Variants in CCDC88C observed in about 807,000 individuals in gnomAD.
CCDC88C encodes protein Daple.
CCDC88C carries 131 observed loss-of-function variants against 198.8 expected under a neutral mutation model. The ratio of observed to expected loss-of-function variants is 0.66; its 90% CI spans 0.57 to 0.76. The LOEUF (loss-of-function observed/expected upper bound fraction) is 0.76. Ranked by LOEUF, CCDC88C falls within the 30% of genes least tolerant of loss-of-function variation. The pLI, the probability that CCDC88C is intolerant of heterozygous loss-of-function variation, is 0.00. For missense variants in CCDC88C, 2,553 were observed against 2,631.6 expected (o/e 0.97, Z 0.65); for synonymous variants, 1,166 against 1,114.7 (o/e 1.05, Z -0.92).
rs548297783 is a variant in CCDC88C at position 91,315,534 on chromosome 14, G to A, written c.1665+116C>T. On this transcript the variant is annotated intron_variant, in intron 14 of 29. Coordinates refer to ENST00000389857, the MANE Select transcript of CCDC88C (RefSeq NM_001080414.4). ...AATTGCTGATTTAAGCTGTGGCTAA[G>A]CTAGGTAACGGATAATCCATGCATC... 18 of 1,149,160 alleles carry A rather than the reference G, an allele frequency of 1.6e-5. No homozygotes were observed. The African/African-American group carries it at 2.2e-4, about 14-fold the overall frequency. 71.2% of individuals were successfully genotyped at this position (1,149,160 alleles called of 1,614,324 possible). A position where few individuals can be genotyped will look rare whatever the true frequency, so the allele number is the denominator to read the frequency against.
chr14:91,368,057 CTAATAG>C (rs1444421006), intron 3 of CCDC88C, among the ~76,000 whole-genome samples: 1 of 152,208 alleles, frequency 6.6e-6, no homozygotes, highest in African/African-American at 2.4e-5. Context: ...CAAAAAGCTG[CTAATAG>C]TGACAGTTGG....
At chr14:91,282,381 G>A (rs1890234287) in intron 26 of CCDC88C, among the ~76,000 whole-genome samples, 1 of 152,034 alleles carries the variant, frequency 6.6e-6, no homozygotes, top group African/African-American at 2.4e-5. Context: ...CTGTTTCTTT[G>A]GATATTTTCC....
At chr14:91,343,740 A>AT (rs1893401665) in intron 4 of CCDC88C, 83 bp from the exon 5 acceptor site, 8 of 1,522,538 alleles carry the variant, frequency 5.3e-6, no homozygotes, top group East Asian at 2.3e-5. Context: ...GAAAAAACAG[A>AT]TAAAAAAAAA....
chr14:91,342,294 G>A (rs998192059), intron 6 of CCDC88C, 86 bp downstream of exon 6: 12 of 763,904 alleles, frequency 1.6e-5, no homozygotes, highest in Admixed American at 1.0e-4. Context: ...TTCTTCAAAC[G>A]TTTCCACTCA....
chr14:91,338,675 C>T lies in CCDC88C; in HGVS notation c.810-105G>A, dbSNP rs772689345. The T allele has an allele frequency of 2.5e-5, 21 of 850,818 alleles. No homozygotes were observed. Among genetic ancestry groups the T allele is most frequent in the Non-Finnish European group, 3.6e-5 (19 of 521,296 alleles). The allele number at this position is 850,818 out of a possible 1,614,324, so 52.7% of individuals were successfully genotyped here. On this transcript the variant is annotated intron_variant, in intron 8 of 29. Transcript: ENST00000389857. This position sits in a 1 kb window ranked among gnomAD's most constrained non-coding sequence, Gnocchi z 4.8. ...AAACCTGTGGGAAAAGGAAAGGACT[C>T]GGGATTTGGGCGGTGGGGAGGCGAT...
Position 91,289,185 on chromosome 14 carries a change from T to C in CCDC88C, c.4361A>G (p.Gln1454Arg), listed in dbSNP as rs780168486. 6.2e-7 allele frequency: 1 copy of C among 1,613,912 alleles called. No homozygotes were observed. Reference sequence around the variant, plus strand: ...TGCGGGGGTGTCGGGGTTCTCGGCCTGTGATCTGAGCGGCTGAGAGGCCGC... The same window carrying C: ...TGCGGGGGTGTCGGGGTTCTCGGCCCGTGATCTGAGCGGCTGAGAGGCCGC... ...SPAASQPLRS[Q>R]AENPDTPALG... The change falls in exon 25 of 30, where the codon CAG (glutamine) becomes CGG (arginine). Residue 1454 changes from glutamine (Q) to arginine (R), a missense_variant. Physicochemically the swap from Gln to Arg is conservative, Grantham distance 43. Transcript: ENST00000389857.
chr14:91,326,201 C>CT (rs200507629), intron 10 of CCDC88C, 145 bp from the exon 11 acceptor site: 22,197 of 534,142 alleles, frequency 0.042, 204 homozygotes, highest in African/African-American at 0.1. Context: ...TTTTCCTCTA[C>CT]TTTTTTTTTT....
Position 91,314,076 on chromosome 14 carries a change from G to A in CCDC88C, c.1740C>T (p.Ser580=). The change falls in exon 15 of 30, where the codon AGC becomes AGT. Residue 580 remains serine, a synonymous_variant. Coordinates refer to ENST00000389857, the MANE Select transcript of CCDC88C (RefSeq NM_001080414.4). The stretch of plus-strand genomic sequence containing the variant: ...CCACGTCTTTCATGCGGGCCTCACT[G>A]CTGACCTGCGACCTCTCCCGCAGCG... ...MWSLRERSQV[S]SEARMKDVEK... is the part of the protein sequence containing the mutation. 4.3e-6 allele frequency: 7 copies of A among 1,613,840 alleles called. No homozygotes were observed. Among genetic ancestry groups the A allele is most frequent in the Non-Finnish European group, 5.9e-6 (7 of 1,179,860 alleles).
At position 91,408,552 on chromosome 14, in the gene CCDC88C, G is replaced by A; in HGVS notation, c.270+107C>T. ...AGCAGACCAACTGTCAACAAGTAGA[G>A]GCCTAAACATAAGCACCGTTTCCTC... On this transcript the variant is annotated intron_variant, in intron 3 of 29. Coordinates refer to ENST00000389857, the MANE Select transcript of CCDC88C (RefSeq NM_001080414.4). 4 of 729,132 alleles carry A rather than the reference G, an allele frequency of 5.5e-6. No individual in the cohort carries two copies. The South Asian group carries it at 6.0e-5, about 11-fold the overall frequency. 45.2% of individuals were successfully genotyped at this position (729,132 alleles called of 1,614,324 possible).
At chr14:91,311,467 A>T (rs1014084244) in intron 15 of CCDC88C, among the ~76,000 whole-genome samples, 2 of 151,574 alleles carry the variant, frequency 1.3e-5, no homozygotes, top group Admixed American at 6.6e-5. Flanking sequence ...GATCTTCCTC[A>T]CTCTCTCTCT....
At position 91,378,143 on chromosome 14, in the gene CCDC88C, A is replaced by C. The variant is rs561377079; in HGVS notation, c.271-18432T>G. Among the ~76,000 whole-genome samples, 15 of 152,356 alleles carry C rather than the reference A, an allele frequency of 9.8e-5. No individual in the cohort carries two copies. In the East Asian group the frequency reaches 2.9e-3, roughly 29 times the overall value. On this transcript the variant is annotated intron_variant, in intron 3 of 29. Coordinates refer to ENST00000389857, the MANE Select transcript of CCDC88C (RefSeq NM_001080414.4). Reference sequence around the variant, plus strand: ...ATGATTAGTGGGTGAGGCCATCTATAACAAGGCAATAATTGTGTGACACAG... The same window carrying C: ...ATGATTAGTGGGTGAGGCCATCTATCACAAGGCAATAATTGTGTGACACAG...
In CCDC88C at chr14:91,417,748, C is replaced by G. The variant is rs1887149365; in HGVS notation, c.-58G>C. 7 of 1,413,846 alleles carry G rather than the reference C, an allele frequency of 5.0e-6. No individual in the cohort carries two copies. Among genetic ancestry groups the G allele is most frequent in the Non-Finnish European group, 5.6e-6 (6 of 1,067,970 alleles). The allele number at this position is 1,413,846 out of a possible 1,614,324, so 87.6% of individuals were successfully genotyped here. ...CGCCCCGCGTCCCCGTTCCCCCGCGCCGCGGCACAAAACGGCTCCGCAGCG... is the reference window on the plus strand; with the variant it reads ...CGCCCCGCGTCCCCGTTCCCCCGCGGCGCGGCACAAAACGGCTCCGCAGCG... On this transcript the variant is annotated 5_prime_UTR_variant, in exon 1 of 30. Coordinates refer to ENST00000389857, the MANE Select transcript of CCDC88C (RefSeq NM_001080414.4).
At chr14:91,293,190 T>TCACCTTCCCATCCTCACCTGCCACAGCC (rs1567054718) in intron 23 of CCDC88C, among the ~76,000 whole-genome samples, 2 of 24,710 alleles carry the variant, frequency 8.1e-5, no homozygotes, top group Admixed American at 5.2e-4. Flanking sequence ...CTGCCACAGC[T>TCACCTTCCCATCCTCACCTGCCACAGCC]CACCTTCCTG....
At chr14:91,347,712 A>G (rs1309740767) in intron 4 of CCDC88C, among the ~76,000 whole-genome samples, 1 of 152,242 alleles carries the variant, frequency 6.6e-6, no homozygotes, top group African/African-American at 2.4e-5. Context: ...GTGGAGAAAC[A>G]GGAACACTTT....
chr14:91,377,422 T>C (rs1218204360), intron 3 of CCDC88C, among the ~76,000 whole-genome samples: 1 of 152,068 alleles, frequency 6.6e-6, no homozygotes, highest in Non-Finnish European at 1.5e-5. Context: ...ATTCACTCCC[T>C]GAACCAGCGA....
In CCDC88C at chr14:91,299,955, T is replaced by C. The variant is rs1199469398; in HGVS notation, c.3751A>G (p.Asn1251Asp). 6.3e-7 allele frequency: 1 copy of C among 1,592,124 alleles called. No homozygotes were observed. The highest frequency in any genetic ancestry group is 1.7e-5 in the Admixed American group (1 of 57,236). The change falls in exon 21 of 30, where the codon AAC becomes GAC. Residue 1251 changes from asparagine (N) to aspartate (D), a missense_variant. By Grantham distance (23) the Asn-to-Asp change is conservative (BLOSUM62 1). Transcript: ENST00000389857. ...TCCAGCTCGCCCCGCAGCCTCTGGT[T>C]CTCGCCCATGGCGAGGGCGTTTGTC... ...QRTNALAMGE[N>D]QRLRGELDRV...
intron 15 of CCDC88C, among the ~76,000 whole-genome samples, chr14:91,311,277 T>TGCATTCATATTTTGGATCTCTCCCC (rs1891811848): frequency 1.3e-5 from 2 of 152,238 alleles, no homozygotes; most frequent in Non-Finnish European, 2.9e-5. Context: ...GGGCTCTGCC[T>TGCATTCATATTTTGGATCTCTCCCC]GCATTCATAT....
At chr14:91,304,086 G>A (rs1891459565) in intron 19 of CCDC88C, 108 bp from the exon 20 acceptor site, 2 of 1,314,448 alleles carry the variant, frequency 1.5e-6, no homozygotes, top group African/African-American at 2.9e-5. Context: ...GGACCCTCAG[G>A]GCAGAAGACC....
In CCDC88C at chr14:91,325,474, AG is replaced by A. The variant is rs752360116; in HGVS notation, c.1197+435del. 3.3e-5 allele frequency among the ~76,000 whole-genome samples: 5 copies of A among 152,250 alleles called. No homozygotes were observed. Among genetic ancestry groups the A allele is most frequent in the Non-Finnish European group, 7.3e-5 (5 of 68,048 alleles). On this transcript the variant is annotated intron_variant, in intron 11 of 29. Coordinates refer to ENST00000389857, the MANE Select transcript of CCDC88C (RefSeq NM_001080414.4). The surrounding 1 kb of genome is among the most constrained non-coding windows in gnomAD (Gnocchi z 4.1). The stretch of plus-strand genomic sequence containing the variant: ...CCGCAGTCAACAAGTCATTCGTGGT[AG>A]CAGTGGCAGCAGCAACGGCAGTAGC...
Sources: gnomAD v4.1 joint callset for allele counts (sites outside exome capture counted in the v4.1 genomes callset) on GRCh38, gnomAD v4.1.1 for gene constraint, Gnocchi (gnomAD v3.1) non-coding constraint, MANE v1.5 for transcripts, NCBI Gene and HGNC (gene_info 2026-07-23, HGNC 2026-07-21) for gene names.